Variants in GPT2 observed in about 807,000 individuals in gnomAD.
GPT2 encodes glutamic--pyruvic transaminase 2, also known as alanine aminotransferase 2.
GPT2 carries 30 observed loss-of-function variants against 56.9 expected under a neutral mutation model. The ratio of observed to expected loss-of-function variants is 0.53; its 90% CI spans 0.39 to 0.72. The LOEUF is 0.72. Ranked by LOEUF, GPT2 falls within the 30% of genes least tolerant of loss-of-function variation. The pLI, the probability that GPT2 is intolerant of heterozygous loss-of-function variation, is 0.00. For synonymous variants in GPT2, 271 were observed against 283.1 expected (o/e 0.96, Z 0.43); for missense variants, 542 against 703.4 (o/e 0.77, Z 2.60).
chr16:46,923,763 C>T, intron 9 of GPT2: 1 of 169,208 alleles, frequency 5.9e-6, no homozygotes, highest in Non-Finnish European at 1.3e-5. Context: ...GTGCTGCATG[C>T]ACACCACACA....
chr16:46,905,589 TC>T (rs1261645612), intron 4 of GPT2, among the ~76,000 whole-genome samples: 1 of 152,174 alleles, frequency 6.6e-6, no homozygotes, highest in Admixed American at 6.5e-5. Flanking sequence ...CCCATGCACT[TC>T]CACAGGGAAT....
At chr16:46,897,011 A>G (rs905403922) in intron 2 of GPT2, among the ~76,000 whole-genome samples, 3 of 152,230 alleles carry the variant, frequency 2.0e-5, no homozygotes, top group Admixed American at 6.5e-5. Context: ...GCAGTGAACC[A>G]TGATCACACC....
chr16:46,916,188 A>G (rs563353533), intron 6 of GPT2: 6 of 155,530 alleles, frequency 3.9e-5, no homozygotes, highest in African/African-American at 1.4e-4. Context: ...CTCTACTAAA[A>G]ATACAAAATT....
At chr16:46,925,863 G>C (rs902060281) in intron 10 of GPT2, among the ~76,000 whole-genome samples, 9 of 151,938 alleles carry the variant, frequency 5.9e-5, no homozygotes, top group African/African-American at 2.2e-4. Context: ...GCCAGGTGTG[G>C]TGGCTCATGC....
chr16:46,909,896 G>A lies in GPT2; in HGVS notation c.789G>A (p.Val263=). ...QEAKDHCDPK[V]LCIINPGNPT... is the part of the protein sequence containing the mutation. ...CCAAAGACCACTGTGATCCTAAGGTGCTCTGCATAATCAACCCTGGGAACC... is the reference window on the plus strand; with the variant it reads ...CCAAAGACCACTGTGATCCTAAGGTACTCTGCATAATCAACCCTGGGAACC... Residue 263 remains valine, a synonymous_variant, in exon 6 of 12, where the codon GTG becomes GTA. Transcript: ENST00000340124. The A allele has an allele frequency of 6.2e-7, 1 of 1,613,350 alleles. No homozygotes were observed. The highest frequency in any genetic ancestry group is 8.5e-7 in the Non-Finnish European group (1 of 1,179,440).
At chr16:46,922,112 G>A in intron 8 of GPT2, 130 bp from the exon 9 acceptor site, 1 of 763,912 alleles carries the variant, frequency 1.3e-6, no homozygotes, top group South Asian at 1.6e-5. Context: ...ACCTTCCATT[G>A]GCAAGAACTC....
At chr16:46,928,045 AAATGT>A (rs1468550033) in intron 11 of GPT2, among the ~76,000 whole-genome samples, 1 of 152,210 alleles carries the variant, frequency 6.6e-6, no homozygotes, top group Non-Finnish European at 1.5e-5. Flanking sequence ...TCAGTGGTCA[AAATGT>A]TCCAGAGGGC....
At chr16:46,885,352 G>A (rs547660230) in intron 2 of GPT2, 2 of 608,202 alleles carry the variant, frequency 3.3e-6, no homozygotes, top group South Asian at 1.5e-4. Flanking sequence ...AGAGGGTTGG[G>A]ATGGGGGCGG....
chr16:46,900,333 G>A (rs1222622633), intron 3 of GPT2, among the ~76,000 whole-genome samples: 2 of 152,072 alleles, frequency 1.3e-5, no homozygotes, highest in South Asian at 2.1e-4. Context: ...GCTGGGCATC[G>A]CCTGCCCCCT....
At chr16:46,902,480 C>G (rs1361244796) in intron 4 of GPT2, among the ~76,000 whole-genome samples, 3 of 152,192 alleles carry the variant, frequency 2.0e-5, no homozygotes, top group Admixed American at 6.5e-5. Flanking sequence ...TGGTGTCGCT[C>G]TCTGTCACCT....
At chr16:46,897,550 G>A in intron 2 of GPT2, 98 bp from the exon 3 acceptor site, 2 of 1,083,008 alleles carry the variant, frequency 1.8e-6, no homozygotes, top group East Asian at 2.4e-5. Flanking sequence ...CCTCAAAATA[G>A]GGCTGTTTAT....
chr16:46,927,100 TG>T, intron 11 of GPT2, 63 bp downstream of exon 11: 5 of 1,041,050 alleles, frequency 4.8e-6, no homozygotes, highest in Non-Finnish European at 7.1e-6. Context: ...GTGGACTTCT[TG>T]ACATGGAGCA....
chr16:46,922,502 G>T, intron 9 of GPT2, 86 bp downstream of exon 9: 1 of 1,343,352 alleles, frequency 7.4e-7, no homozygotes, highest in Non-Finnish European at 1.0e-6. Context: ...TCTCCAGGTG[G>T]CCAGACAGCA....
intron 2 of GPT2, among the ~76,000 whole-genome samples, chr16:46,887,164 G>A (rs1024656388): frequency 7.9e-5 from 12 of 151,962 alleles, no homozygotes; most frequent in Admixed American, 5.9e-4. Context: ...TTGAACTGTC[G>A]TGATCAAAAC....
intron 2 of GPT2, chr16:46,885,246 C>A: frequency 8.5e-7 from 1 of 1,182,218 alleles, no homozygotes; most frequent in South Asian, 3.9e-5. Context: ...GCCCTACTCT[C>A]GTGGAACCAA....
At chr16:46,923,370 ATC>A (rs1961336249) in intron 9 of GPT2, among the ~76,000 whole-genome samples, 1 of 152,224 alleles carries the variant, frequency 6.6e-6, no homozygotes, top group Admixed American at 6.5e-5. Flanking sequence ...AGGCAGGAGA[ATC>A]ACTTGAACCC....
At chr16:46,911,691 A>G (rs1961050002) in intron 6 of GPT2, among the ~76,000 whole-genome samples, 1 of 152,204 alleles carries the variant, frequency 6.6e-6, no homozygotes, top group African/African-American at 2.4e-5. Flanking sequence ...GCCCCACTTC[A>G]GACACTTGGA....
At chr16:46,912,918 C>T (rs1961072448) in intron 6 of GPT2, among the ~76,000 whole-genome samples, 5 of 152,222 alleles carry the variant, frequency 3.3e-5, no homozygotes, top group African/African-American at 2.4e-5. Flanking sequence ...GGAGGATGCT[C>T]AGTCACCAGC....
Position 46,909,757 on chromosome 16 carries a change from C to T in GPT2, c.650C>T (p.Pro217Leu). ...TGVMIPIPQY[P>L]LYSAVISELD... ...GTGATGATCCCCATCCCACAATATC[C>T]CCTCTATTCAGCTGTCATCTCTGAG... is the stretch of plus-strand genomic sequence containing the variant. Residue 217 changes from proline to leucine, a missense_variant, in exon 6 of 12, where the codon CCC becomes CTC. Transcript: ENST00000340124. 3.1e-6 allele frequency: 5 copies of T among 1,614,072 alleles called. No homozygotes were observed. The highest frequency in any genetic ancestry group is 4.2e-6 in the Non-Finnish European group (5 of 1,180,014).
Sources: allele counts gnomAD v4.1 joint callset (sites outside exome capture counted in the v4.1 genomes callset), GRCh38; gene constraint gnomAD v4.1.1; transcripts MANE v1.5; gene names NCBI Gene and HGNC (gene_info 2026-07-23, HGNC 2026-07-21).